NRXN3: variants seen among roughly 807,000 people sequenced by gnomAD.
NRXN3 encodes neurexin 3.
NRXN3 carries 32 observed loss-of-function variants against 137.6 expected under a neutral mutation model. The ratio of observed to expected loss-of-function variants is 0.23; its 90% confidence interval spans 0.18 to 0.31. The LOEUF (loss-of-function observed/expected upper bound fraction) is 0.31. Ranked by LOEUF, NRXN3 falls within the 10% of genes least tolerant of loss-of-function variation. NRXN3 has a pLI of 1.00. For synonymous variants in NRXN3, 798 were observed against 784.5 expected (o/e 1.02, Z -0.29); for missense variants, 1,574 against 2,062.5 (o/e 0.76, Z 4.59).
At chr14:79,318,441 G>A (rs964948605) in intron 15 of NRXN3, among the ~76,000 whole-genome samples, 5 of 152,088 alleles carry the variant, frequency 3.3e-5, no homozygotes, top group African/African-American at 1.2e-4. Flanking sequence ...TCCAATGCTA[G>A]GACGATTACT....
chr14:78,809,457 C>T lies in NRXN3; in HGVS notation c.2249-861C>T, dbSNP rs184967951. ...CAGGCAGGAAGACAGAGATGGGCTG[C>T]GCGAGGGGGTTGATCTGGGAGCCTT... is the stretch of plus-strand genomic sequence containing the variant. On this transcript the variant is annotated intron_variant, in intron 9 of 20. Coordinates refer to ENST00000335750, the MANE Select transcript of NRXN3 (RefSeq NM_001330195.2). Among the ~76,000 whole-genome samples the T allele has an allele frequency of 1.2e-3, 178 of 152,222 alleles. 2 individuals are homozygous for T. Among genetic ancestry groups the T allele is most frequent in the African/African-American group, 4.1e-3 (171 of 41,538 alleles).
intron 16 of NRXN3, among the ~76,000 whole-genome samples, chr14:79,629,494 C>T (rs938368837): frequency 5.3e-5 from 8 of 152,082 alleles, no homozygotes; most frequent in African/African-American, 1.2e-4. Flanking sequence ...GGAGACTTTG[C>T]GTAGCCCTGG....
intron 19 of NRXN3, among the ~76,000 whole-genome samples, chr14:79,773,523 CAAG>C (rs1314246191): frequency 6.7e-6 from 1 of 150,368 alleles, no homozygotes; most frequent in African/African-American, 2.5e-5. Flanking sequence ...TAAACTATCG[CAAG>C]AACAAACAAC....
intron 1 of NRXN3, among the ~76,000 whole-genome samples, chr14:78,174,587 C>T (rs866402038): frequency 2.0e-5 from 3 of 152,078 alleles, no homozygotes; most frequent in Non-Finnish European, 2.9e-5. Context: ...CAACACTGTG[C>T]GTGTGGTTCA....
chr14:78,214,505 C>A (rs1481669043), intron 1 of NRXN3, among the ~76,000 whole-genome samples: 1 of 152,164 alleles, frequency 6.6e-6, no homozygotes. Flanking sequence ...GCAGGGGCTA[C>A]CTCTGTCTTT....
intron 16 of NRXN3, among the ~76,000 whole-genome samples, chr14:79,521,192 G>T (rs1458141381): frequency 6.6e-6 from 1 of 151,830 alleles, no homozygotes. Flanking sequence ...ATTTGTTCCT[G>T]GTCCTCTCCT....
intron 8 of NRXN3, among the ~76,000 whole-genome samples, chr14:78,753,253 A>T (rs930990647): frequency 1.3e-5 from 2 of 152,158 alleles, no homozygotes; most frequent in Non-Finnish European, 2.9e-5. Context: ...GTTACTAGGG[A>T]TAGATACAAC....
chr14:79,264,164 C>T (rs1568849173), intron 15 of NRXN3, among the ~76,000 whole-genome samples: 2 of 152,162 alleles, frequency 1.3e-5, no homozygotes, highest in Non-Finnish European at 2.9e-5. Context: ...ACATGGCTCA[C>T]TGCAACTTCC....
chr14:79,217,613 C>A (rs716064), intron 15 of NRXN3, among the ~76,000 whole-genome samples: 101,827 of 152,028 alleles, frequency 0.67, 34,480 homozygotes, highest in East Asian at 0.88. Flanking sequence ...AATATCTAGG[C>A]AGGTTAGCAT....
intron 16 of NRXN3, among the ~76,000 whole-genome samples, chr14:79,484,449 A>G (rs1422611744): frequency 6.6e-6 from 1 of 152,210 alleles, no homozygotes; most frequent in Non-Finnish European, 1.5e-5. Flanking sequence ...TATTTCATAT[A>G]CAAGTTGATA....
At position 79,221,399 on chromosome 14, in the gene NRXN3, A is replaced by C. The variant is rs536431671; in HGVS notation, c.3262+233258A>C. Among the ~76,000 whole-genome samples, 10 of 152,172 alleles carry C rather than the reference A, an allele frequency of 6.6e-5. No homozygotes were observed. The South Asian group carries it at 2.1e-3, about 32-fold the overall frequency. On this transcript the variant is annotated intron_variant, in intron 15 of 20. Transcript: ENST00000335750. ...TGTAAAAGCGTTCCTATTTCTTCAC[A>C]TCCTCCCCAGCATCTGTTGTTTCCT...
intron 4 of NRXN3, among the ~76,000 whole-genome samples, chr14:78,338,298 G>T (rs2081721345): frequency 6.6e-6 from 1 of 152,212 alleles, no homozygotes; most frequent in Non-Finnish European, 1.5e-5. Flanking sequence ...AGTCTCACTA[G>T]TTTAACGTGT....
intron 15 of NRXN3, among the ~76,000 whole-genome samples, chr14:79,258,017 C>T (rs2153398081): frequency 6.6e-6 from 1 of 152,100 alleles, no homozygotes; most frequent in South Asian, 2.1e-4. Flanking sequence ...GGACTTCTTC[C>T]TACAAGACAT....
At chr14:78,904,854 C>T (rs2099210188) in intron 10 of NRXN3, among the ~76,000 whole-genome samples, 1 of 152,082 alleles carries the variant, frequency 6.6e-6, no homozygotes, top group Non-Finnish European at 1.5e-5. Context: ...CCCTACACGG[C>T]TTTTCATAGT....
chr14:79,717,227 G>A (rs948313417), intron 19 of NRXN3, among the ~76,000 whole-genome samples: 1 of 152,152 alleles, frequency 6.6e-6, no homozygotes, highest in Non-Finnish European at 1.5e-5. Flanking sequence ...CCTTAGAAGG[G>A]TGCCAGCTCC....
intron 19 of NRXN3, among the ~76,000 whole-genome samples, chr14:79,779,618 CTGAG>C (rs758989612): frequency 1.3e-5 from 2 of 152,156 alleles, no homozygotes; most frequent in Non-Finnish European, 2.9e-5. Context: ...TCTGAGGATA[CTGAG>C]TATTTCTTAG....
At chr14:78,778,693 T>TCTTTC (rs1491151137) in intron 8 of NRXN3, among the ~76,000 whole-genome samples, 33 of 143,950 alleles carry the variant, frequency 2.3e-4, no homozygotes, top group Admixed American at 3.4e-4. Flanking sequence ...TTTCTTTCTT[T>TCTTTC]CTTTCTTTCT....
At chr14:79,203,835 G>T (rs1439076080) in intron 15 of NRXN3, among the ~76,000 whole-genome samples, 1 of 152,164 alleles carries the variant, frequency 6.6e-6, no homozygotes, top group Non-Finnish European at 1.5e-5. Context: ...AATTATAATT[G>T]TAGACATTTG....
chr14:78,850,903 G>A (rs2099040760), intron 10 of NRXN3, among the ~76,000 whole-genome samples: 1 of 152,172 alleles, frequency 6.6e-6, no homozygotes, highest in Non-Finnish European at 1.5e-5. Context: ...ACTGCTTTCA[G>A]GGAAGAGTTT....
Sources: allele counts gnomAD v4.1 joint callset (sites outside exome capture counted in the v4.1 genomes callset), GRCh38; gene constraint gnomAD v4.1.1; transcripts MANE v1.5; gene names NCBI Gene and HGNC (gene_info 2026-07-23, HGNC 2026-07-21).